Variants in TNFRSF11B observed in about 807,000 individuals in gnomAD.
TNFRSF11B encodes TNF receptor superfamily member 11b.
Under a neutral mutation model 43.4 loss-of-function variants are expected in TNFRSF11B, and 16 were observed. The ratio of observed to expected loss-of-function variants is 0.37; its 90% CI spans 0.25 to 0.56. The LOEUF is 0.56. Ranked by LOEUF, TNFRSF11B falls within the 20% of genes least tolerant of loss-of-function variation. The probability of loss-of-function intolerance (pLI) is 0.80; values close to 1 mark genes in which losing one functional copy is unlikely to be tolerated. For synonymous variants in TNFRSF11B, 185 were observed against 181.8 expected (o/e 1.02, Z -0.14); for missense variants, 444 against 490.1 (o/e 0.91, Z 0.89).
At chr8:118,948,558 GA>G (rs1306144745) in intron 1 of TNFRSF11B, among the ~76,000 whole-genome samples, 17 of 152,110 alleles carry the variant, frequency 1.1e-4, no homozygotes, top group Middle Eastern at 3.4e-3. Flanking sequence ...ATCTGGTGCA[GA>G]ACGCTTACTT....
intron 3 of TNFRSF11B, among the ~76,000 whole-genome samples, chr8:118,927,651 C>CAT (rs1354489839): frequency 2.7e-5 from 4 of 149,506 alleles, no homozygotes; most frequent in Non-Finnish European, 4.4e-5. Context: ...GTTAGAATCT[C>CAT]ATATATATAT....
In TNFRSF11B at chr8:118,933,389, T is replaced by C; in HGVS notation, c.31-89A>G. 5 of 1,574,616 alleles carry C rather than the reference T, an allele frequency of 3.2e-6. No homozygotes were observed. In the East Asian group the frequency reaches 6.7e-5, roughly 21 times the overall value. ...AACAGTATCATTTGACTCAAAGTCC[T>C]GTATTACCTTAAGCCTAATGAGATT... On this transcript the variant is annotated intron_variant, in intron 1 of 4. Coordinates refer to ENST00000297350, the MANE Select transcript of TNFRSF11B (RefSeq NM_002546.4).
At chr8:118,951,674 C>T (rs1257284513) in intron 1 of TNFRSF11B, 118 bp downstream of exon 1, 1 of 1,011,150 alleles carries the variant, frequency 9.9e-7, no homozygotes, top group Non-Finnish European at 1.5e-6. Flanking sequence ...AACCCCAAGC[C>T]TCTCCTGGGA....
intron 3 of TNFRSF11B, among the ~76,000 whole-genome samples, chr8:118,928,012 A>ATGTGTGTGTGTG (rs58489703): frequency 1.1e-4 from 16 of 145,258 alleles, no homozygotes; most frequent in African/African-American, 3.3e-4. Flanking sequence ...CACATTTCTA[A>ATGTGTGTGTGTG]TGTGTGTGTG....
rs1346445909 is a variant in TNFRSF11B, at chr8:118,923,997, AT to A, written c.*376del. 5 of 182,986 alleles carry A rather than the reference AT, an allele frequency of 2.7e-5. No individual in the cohort carries two copies. The highest frequency in any genetic ancestry group is 1.2e-4 in the African/African-American group (5 of 42,214). 11.3% of individuals were successfully genotyped at this position (182,986 alleles called of 1,614,324 possible). A position where few individuals can be genotyped will look rare whatever the true frequency, so the allele number is the denominator to read the frequency against. Reference sequence around the variant, plus strand: ...ATATTAGTAACTTTTACAGAAAAAAATATGGCTTTCTAATAAAAGCCTCTAG... The same window carrying A: ...ATATTAGTAACTTTTACAGAAAAAAAATGGCTTTCTAATAAAAGCCTCTAG... On this transcript the variant is annotated 3_prime_UTR_variant, in exon 5 of 5. Coordinates refer to ENST00000297350, the MANE Select transcript of TNFRSF11B (RefSeq NM_002546.4).
rs1243557611 is a variant in TNFRSF11B at position 118,924,839 on chromosome 8, C to A, written c.818-77G>T. On this transcript the variant is annotated intron_variant, in intron 4 of 4. Coordinates refer to ENST00000297350, the MANE Select transcript of TNFRSF11B (RefSeq NM_002546.4). ...ATGCCATCATAAAACAAGCGTGAGG[C>A]AAAAGGTTCTTGCAGAATTTCATAA... 3.8e-6 allele frequency: 6 copies of A among 1,580,626 alleles called. No homozygotes were observed. In the East Asian group the frequency reaches 1.3e-4, roughly 35 times the overall value.
At chr8:118,926,217 G>C (rs1462859120) in intron 4 of TNFRSF11B, among the ~76,000 whole-genome samples, 1 of 152,164 alleles carries the variant, frequency 6.6e-6, no homozygotes, top group Non-Finnish European at 1.5e-5. Context: ...GCGACTCCCT[G>C]AGATACAGCC....
chr8:118,927,547 C>A (rs1812260085), intron 3 of TNFRSF11B, among the ~76,000 whole-genome samples: 1 of 105,244 alleles, frequency 9.5e-6, no homozygotes. Flanking sequence ...ATACCCCTTC[C>A]TTCATTTTTT....
At chr8:118,925,144 A>G (rs1213045492) in intron 4 of TNFRSF11B, among the ~76,000 whole-genome samples, 1 of 152,242 alleles carries the variant, frequency 6.6e-6, no homozygotes, top group Non-Finnish European at 1.5e-5. Flanking sequence ...ACAAAGTTTC[A>G]TTAGTAGGCG....
At chr8:118,941,741 A>G (rs1024584614) in intron 1 of TNFRSF11B, among the ~76,000 whole-genome samples, 11 of 143,470 alleles carry the variant, frequency 7.7e-5, no homozygotes, top group African/African-American at 2.0e-4. Flanking sequence ...AAACAAAAAC[A>G]AGAAAATCTC....
At chr8:118,937,410 C>T (rs867975631) in intron 1 of TNFRSF11B, among the ~76,000 whole-genome samples, 1 of 152,200 alleles carries the variant, frequency 6.6e-6, no homozygotes, top group Admixed American at 6.5e-5. Flanking sequence ...CCCATGCCTT[C>T]CATTCCCTCT....
chr8:118,932,891 T>G (rs759163971), intron 2 of TNFRSF11B, 40 bp downstream of exon 2: 20 of 1,612,878 alleles, frequency 1.2e-5, no homozygotes, highest in Non-Finnish European at 1.7e-5. Context: ...TATCTGACTT[T>G]GCATGATCCT....
At chr8:118,930,775 A>T (rs1193386979) in intron 2 of TNFRSF11B, 1 of 452,006 alleles carries the variant, frequency 2.2e-6, no homozygotes, top group Admixed American at 2.4e-5. Flanking sequence ...CATCCTAATG[A>T]GAAGTTCATA....
chr8:118,941,727 CAA>C lies in TNFRSF11B; in HGVS notation c.31-8429_31-8428del, dbSNP rs1231724127. On this transcript the variant is annotated intron_variant, in intron 1 of 4. Coordinates refer to ENST00000297350, the MANE Select transcript of TNFRSF11B (RefSeq NM_002546.4). ...AGATTAACAAATGAAGGCAAAAAAA[CAA>C]AAAACAAAAACAAGAAAATCTCTGA... is the stretch of plus-strand genomic sequence containing the variant. Among the ~76,000 whole-genome samples the C allele has an allele frequency of 2.6e-5, 4 of 151,186 alleles. No homozygotes were observed. The East Asian group carries it at 6.0e-4, about 23-fold the overall frequency.
chr8:118,935,433 C>G (rs568649481), intron 1 of TNFRSF11B, among the ~76,000 whole-genome samples: 1 of 151,998 alleles, frequency 6.6e-6, no homozygotes, highest in Non-Finnish European at 1.5e-5. Flanking sequence ...TGAGTGAGCA[C>G]GCAGACAATA....
chr8:118,938,058 C>A (rs984032247), intron 1 of TNFRSF11B, among the ~76,000 whole-genome samples: 4 of 152,002 alleles, frequency 2.6e-5, no homozygotes, highest in Non-Finnish European at 5.9e-5. Flanking sequence ...TCTAATAATT[C>A]CCCATATTTA....
intron 2 of TNFRSF11B, among the ~76,000 whole-genome samples, chr8:118,929,977 T>TA (rs1221657615): frequency 1.3e-5 from 2 of 151,870 alleles, no homozygotes; most frequent in African/African-American, 4.8e-5. Context: ...AACCAGAAAA[T>TA]AAAAAAAGGG....
intron 1 of TNFRSF11B, among the ~76,000 whole-genome samples, chr8:118,940,221 C>T (rs1479074236): frequency 6.6e-6 from 1 of 152,108 alleles, no homozygotes; most frequent in Non-Finnish European, 1.5e-5. Flanking sequence ...AGGAGAAATA[C>T]CTAATGTAAA....
intron 2 of TNFRSF11B, among the ~76,000 whole-genome samples, chr8:118,929,250 G>A (rs990050722): frequency 6.6e-6 from 1 of 152,244 alleles, no homozygotes; most frequent in Admixed American, 6.5e-5. Flanking sequence ...CAGTAAGGCC[G>A]TGTTGTCAGC....
Sources: gnomAD v4.1 joint callset for allele counts (sites outside exome capture counted in the v4.1 genomes callset) on GRCh38, gnomAD v4.1.1 for gene constraint, MANE v1.5 for transcripts, NCBI Gene and HGNC (gene_info 2026-07-23, HGNC 2026-07-21) for gene names.